The following RNF126 variants were observed in gnomAD, a reference collection of about 807,000 sequenced individuals.
RNF126 encodes ring finger protein 126, also known as E3 ubiquitin-protein ligase RNF126.
RNF126 carries 20 observed loss-of-function variants against 41.9 expected under a neutral mutation model. The observed-to-expected ratio is 0.48, with a 90% CI of 0.34 to 0.69. The LOEUF is 0.69. Among genes scored for constraint, RNF126 ranks in the 30% least tolerant of loss-of-function variants. The pLI is 0.01. For synonymous variants in RNF126, 239 were observed against 202.9 expected, an observed-to-expected ratio of 1.18 and a Z score of -1.51; for missense variants, 433 against 460.6, an observed-to-expected ratio of 0.94 and a Z score of 0.55.
intron 1 of RNF126, among the ~76,000 whole-genome samples, chr19:655,609 G>A (rs1028229621): frequency 2.2e-4 from 34 of 152,056 alleles, no homozygotes; most frequent in Admixed American, 4.6e-4. Flanking sequence ...AGGACGAGAT[G>A]CAAGACCCCG....
intron 1 of RNF126, 73 bp from the exon 2 acceptor site, chr19:652,957 A>G: frequency 7.1e-7 from 1 of 1,400,924 alleles, no homozygotes; most frequent in Non-Finnish European, 1.0e-6. Context: ...GTGTGAGGAC[A>G]GAGGGGCTCC....
At chr19:662,004 C>T (rs1156524326) in intron 1 of RNF126, among the ~76,000 whole-genome samples, 1 of 152,108 alleles carries the variant, frequency 6.6e-6, no homozygotes, top group Non-Finnish European at 1.5e-5. Context: ...GTCAGCCTGG[C>T]GAAGGGCAAC....
intron 1 of RNF126, among the ~76,000 whole-genome samples, chr19:657,296 C>T (rs1185978499): frequency 6.6e-6 from 1 of 152,236 alleles, no homozygotes; most frequent in Non-Finnish European, 1.5e-5. Flanking sequence ...ATGTGCCGAG[C>T]TCAGCCCCTC....
At chr19:662,010 G>A (rs1035264149) in intron 1 of RNF126, among the ~76,000 whole-genome samples, 2 of 152,152 alleles carry the variant, frequency 1.3e-5, no homozygotes, top group African/African-American at 4.8e-5. Context: ...CTGGCGAAGG[G>A]CAACACGGGT....
chr19:649,518 A>T (rs2030168059), intron 6 of RNF126, 161 bp downstream of exon 6: 1 of 600,614 alleles, frequency 1.7e-6, no homozygotes, highest in East Asian at 2.9e-5. Flanking sequence ...TGGCAGGAGG[A>T]AGGCCGGAGC....
At chr19:652,556 C>G in intron 2 of RNF126, 1 of 603,296 alleles carries the variant, frequency 1.7e-6, no homozygotes, top group Non-Finnish European at 2.9e-6. Flanking sequence ...GGCCCCTTCC[C>G]CGGAGGGCCT....
In RNF126 at chr19:659,570, C is replaced by T. The variant is rs946201841; in HGVS notation, c.75+3477G>A. ...TGCGCCCGCCTGGTTCCTGGGGGCT[C>T]AGTGCCCTCAGCAGCTCTCGCCCAC... On this transcript the variant is annotated intron_variant, in intron 1 of 8. Coordinates refer to ENST00000292363, the MANE Select transcript of RNF126 (RefSeq NM_194460.3). The surrounding 1 kb of genome is among the most constrained non-coding windows in gnomAD (Gnocchi z 4.9). Among the ~76,000 whole-genome samples, 5 of 152,134 alleles carry T rather than the reference C, an allele frequency of 3.3e-5. No homozygotes were observed. Among genetic ancestry groups the T allele is most frequent in the African/African-American group, 9.7e-5 (4 of 41,420 alleles).
rs751343232 is a variant in RNF126 at position 651,652 on chromosome 19, C to T, written c.402G>A (p.Arg134=). 10 of 1,525,632 alleles carry T rather than the reference C, an allele frequency of 6.6e-6. No individual in the cohort carries two copies. The highest frequency in any genetic ancestry group is 7.9e-6 in the Non-Finnish European group (9 of 1,136,658). 94.5% of individuals were successfully genotyped at this position (1,525,632 alleles called of 1,614,324 possible). The change falls in exon 4 of 9, where the codon CGG becomes CGA. Residue 134 remains arginine (R), a synonymous_variant. Coordinates refer to ENST00000292363, the MANE Select transcript of RNF126 (RefSeq NM_194460.3). ...CGCCTTCGTGCCGGCCGGTGGCCCG[C>T]CGCGTGGTGAGGCGGGCGCGGGGCT... The part of the protein sequence containing the change: ...ARQPRARLTT[R]RATGRHEGVP...
rs909749502 is a variant in RNF126 at position 659,638 on chromosome 19, C to A, written c.75+3409G>T. Among the ~76,000 whole-genome samples the A allele has an allele frequency of 6.6e-6, 1 of 152,166 alleles. No individual in the cohort carries two copies. The highest frequency in any genetic ancestry group is 1.5e-5 in the Non-Finnish European group (1 of 68,032). On this transcript the variant is annotated intron_variant, in intron 1 of 8. Transcript: ENST00000292363. The surrounding 1 kb of genome is among the most constrained non-coding windows in gnomAD (Gnocchi z 4.9). ...CCAGTCAGTGCCTCCTCAGCAGGCT[C>A]GAGTCTGGGTCTGCGCAGCCGCCTG...
rs139564628 is a variant in RNF126 at position 651,754 on chromosome 19, C to T, written c.300G>A (p.Ala100=). The T allele has an allele frequency of 4.2e-3, 6,782 of 1,612,558 alleles. 18 individuals carry two copies. The highest frequency in any genetic ancestry group is 5.2e-3 in the Non-Finnish European group (6,122 of 1,179,786). The change falls in exon 4 of 9, where the codon GCG becomes GCA. Residue 100 remains alanine (A), a synonymous_variant. Transcript: ENST00000292363. ...SFEIPTFPPG[A]QADDGRDPES... ...CAGGGTCCCTGCCGTCGTCAGCCTG[C>T]GCCCCAGGAGGGAACGTGGGGATCT... is the stretch of plus-strand genomic sequence containing the variant.
chr19:649,431 G>T (rs1276024119), intron 6 of RNF126: 3 of 541,980 alleles, frequency 5.5e-6, no homozygotes, highest in Non-Finnish European at 9.9e-6. Context: ...GTGACTGTGG[G>T]CGAGTCCTCC....
intron 8 of RNF126, 29 bp downstream of exon 8, chr19:648,343 G>GT (rs1491493383): frequency 2.4e-5 from 18 of 739,510 alleles, no homozygotes; most frequent in Non-Finnish European, 3.5e-5. Flanking sequence ...CGCGGTCGGG[G>GT]TGGGGGGGCG....
At chr19:648,664 C>T (rs930555074) in intron 7 of RNF126, among the ~76,000 whole-genome samples, 177 bp from the exon 8 acceptor site, 1 of 152,184 alleles carries the variant, frequency 6.6e-6, no homozygotes, top group Admixed American at 6.5e-5. Context: ...CTCCTCCCAG[C>T]CCACCTTCAG....
intron 6 of RNF126, 50 bp from the exon 7 acceptor site, chr19:649,025 G>C (rs1375938733): frequency 2.0e-6 from 2 of 975,946 alleles, no homozygotes; most frequent in Non-Finnish European, 1.4e-6. Context: ...GGCCCGGCCC[G>C]GGGCTCTGAA....
chr19:652,758 G>GCCCACACC, intron 2 of RNF126, 68 bp downstream of exon 2: 1 of 1,466,684 alleles, frequency 6.8e-7, no homozygotes. Context: ...CGCCAGCACA[G>GCCCACACC]CCCACACCCC....
chr19:651,971 G>T, intron 3 of RNF126, 116 bp from the exon 4 acceptor site: 1 of 954,870 alleles, frequency 1.0e-6, no homozygotes, highest in Non-Finnish European at 1.5e-6. Context: ...TGCCGGGTGG[G>T]AGGGAGACGC....
At chr19:652,006 G>C in intron 3 of RNF126, 151 bp from the exon 4 acceptor site, 2 of 747,628 alleles carry the variant, frequency 2.7e-6, no homozygotes, top group Admixed American at 6.2e-5. Context: ...GAATTGGGCA[G>C]AGCCTGCCCC....
chr19:652,082 C>T (rs145622887), intron 3 of RNF126, 151 bp downstream of exon 3: 143 of 733,454 alleles, frequency 1.9e-4, no homozygotes, highest in South Asian at 4.6e-4. Context: ...CAGCGTGGGC[C>T]GCCCCAATCC....
rs2030022287 is a variant in RNF126, at chr19:647,766, C to T, written c.*362G>A. On this transcript the variant is annotated 3_prime_UTR_variant, in exon 9 of 9. Coordinates refer to ENST00000292363, the MANE Select transcript of RNF126 (RefSeq NM_194460.3). ...CCCCGTGCTTCAGCGCTGGGGGAGC[C>T]GCTGGGCCCCGTCTTCCGCCACAAA... 3 of 352,180 alleles carry T rather than the reference C, an allele frequency of 8.5e-6. No individual in the cohort carries two copies. Among genetic ancestry groups the T allele is most frequent in the Admixed American group, 3.9e-5 (1 of 25,844 alleles). The allele number at this position is 352,180 out of a possible 1,614,324, so 21.8% of individuals were successfully genotyped here. A position where few individuals can be genotyped will look rare whatever the true frequency, so the allele number is the denominator to read the frequency against.
Sources: gnomAD v4.1 joint callset for allele counts (sites outside exome capture counted in the v4.1 genomes callset) on GRCh38, gnomAD v4.1.1 for gene constraint, Gnocchi (gnomAD v3.1) non-coding constraint, MANE v1.5 for transcripts, NCBI Gene and HGNC (gene_info 2026-07-23, HGNC 2026-07-21) for gene names.